TBC1D12: variants seen among roughly 807,000 people sequenced by gnomAD.
The protein encoded by TBC1D12 is TBC1 domain family member 12.
A neutral mutation model predicts 86.7 loss-of-function variants in TBC1D12; 56 were observed. That is an observed-to-expected ratio of 0.65 (90% CI 0.52 to 0.81). The LOEUF (loss-of-function observed/expected upper bound fraction) is 0.81. TBC1D12 is among the 30% of genes least tolerant of loss of function. The pLI, the probability that TBC1D12 is intolerant of heterozygous loss-of-function variation, is 0.00. For synonymous variants in TBC1D12, 421 were observed against 411.7 expected (o/e 1.02, Z -0.27); for missense variants, 1,023 against 1,038.8 (o/e 0.98, Z 0.21).
rs2056508706 is a variant in TBC1D12, at chr10:94,510,126, T to G, written c.1636T>G (p.Leu546Val). ...TGCTGATCGAGAGGCCAGTCTGGAA[T>G]TAATTAAGTTGGACATATCCCGTAC... The part of the protein sequence containing the change: ...SVADREASLE[L>V]IKLDISRTFP... Residue 546 changes from leucine (L) to valine (V), a missense_variant, in exon 8 of 13, where the codon TTA becomes GTA. Around this residue, in one of 2 missense-constraint regions of TBC1D12, gnomAD observed 395 missense variants for 507.7 expected, o/e 0.78. Transcript: ENST00000225235. The G allele has an allele frequency of 6.2e-6, 10 of 1,610,108 alleles. No homozygotes were observed. The highest frequency in any genetic ancestry group is 8.5e-6 in the Non-Finnish European group (10 of 1,179,106).
chr10:94,465,741 CATACATACATATGT>C (rs2055802314), intron 2 of TBC1D12, among the ~76,000 whole-genome samples: 1 of 144,444 alleles, frequency 6.9e-6, no homozygotes, highest in Non-Finnish European at 1.5e-5. Context: ...CATACGTATA[CATACATACATATGT>C]ATACATACAT....
chr10:94,452,752 G>A (rs768430926), intron 2 of TBC1D12, among the ~76,000 whole-genome samples: 6 of 152,064 alleles, frequency 3.9e-5, no homozygotes, highest in Non-Finnish European at 5.9e-5. Context: ...AGACTTCTGC[G>A]TGCAATTTTT....
intron 2 of TBC1D12, among the ~76,000 whole-genome samples, chr10:94,473,956 A>G (rs1272951640): frequency 6.6e-6 from 1 of 152,184 alleles, no homozygotes; most frequent in East Asian, 1.9e-4. Flanking sequence ...GTCTGTGGCT[A>G]TATTTTTGAA....
At chr10:94,500,018 C>T (rs1031440112) in intron 5 of TBC1D12, among the ~76,000 whole-genome samples, 1 of 152,134 alleles carries the variant, frequency 6.6e-6, no homozygotes, top group Non-Finnish European at 1.5e-5. Flanking sequence ...ATTACTGTTG[C>T]CCCTTTGGGA....
At chr10:94,450,582 A>G (rs1276220089) in intron 2 of TBC1D12, among the ~76,000 whole-genome samples, 1 of 152,146 alleles carries the variant, frequency 6.6e-6, no homozygotes, top group Non-Finnish European at 1.5e-5. Context: ...TATCAAATTT[A>G]TGTATTAGAA....
intron 6 of TBC1D12, among the ~76,000 whole-genome samples, chr10:94,504,033 T>A (rs997637569): frequency 6.6e-6 from 1 of 152,240 alleles, no homozygotes; most frequent in African/African-American, 2.4e-5. Flanking sequence ...TTAACTGTTC[T>A]CTCCAAATAT....
intron 2 of TBC1D12, among the ~76,000 whole-genome samples, chr10:94,461,871 C>G (rs578261486): frequency 6.6e-6 from 1 of 152,208 alleles, no homozygotes; most frequent in South Asian, 2.1e-4. Flanking sequence ...TTTCAGTTTG[C>G]TTAGGTTTTT....
At chr10:94,490,266 A>AAAAAAGAAAT (rs1399650250) in intron 3 of TBC1D12, among the ~76,000 whole-genome samples, 1 of 152,124 alleles carries the variant, frequency 6.6e-6, no homozygotes, top group Non-Finnish European at 1.5e-5. Context: ...AAAAGAAAAA[A>AAAAAAGAAAT]AAAAAGAAAT....
intron 2 of TBC1D12, among the ~76,000 whole-genome samples, chr10:94,457,120 G>C (rs964190571): frequency 6.6e-6 from 1 of 152,078 alleles, no homozygotes; most frequent in Non-Finnish European, 1.5e-5. Context: ...TAAGTTCCAG[G>C]ATACATGTGC....
intron 5 of TBC1D12, among the ~76,000 whole-genome samples, chr10:94,498,714 C>G (rs1413384823): frequency 6.6e-6 from 1 of 151,878 alleles, no homozygotes; most frequent in Admixed American, 6.6e-5. Flanking sequence ...CCTTGACTTC[C>G]CAAAGTGCTG....
At chr10:94,460,330 A>C (rs1382111358) in intron 2 of TBC1D12, among the ~76,000 whole-genome samples, 1 of 152,252 alleles carries the variant, frequency 6.6e-6, no homozygotes, top group African/African-American at 2.4e-5. Flanking sequence ...AAATGCCTTA[A>C]TAATTGTCCC....
chr10:94,484,744 C>T (rs1035117728), intron 3 of TBC1D12, among the ~76,000 whole-genome samples: 5 of 151,964 alleles, frequency 3.3e-5, no homozygotes, highest in African/African-American at 9.7e-5. Flanking sequence ...GAATATTTTT[C>T]CATTTTTTGG....
intron 2 of TBC1D12, 21 bp from the exon 3 acceptor site, chr10:94,474,647 G>T: frequency 6.3e-7 from 1 of 1,575,044 alleles, no homozygotes; most frequent in Non-Finnish European, 8.7e-7. Flanking sequence ...TCTGCATAAG[G>T]TATGTTTTAA....
chr10:94,411,978 C>T (rs1170407685), intron 1 of TBC1D12, among the ~76,000 whole-genome samples: 1 of 152,102 alleles, frequency 6.6e-6, no homozygotes, highest in Non-Finnish European at 1.5e-5. Context: ...GAAAATTGCT[C>T]ACAGTTGATT....
At chr10:94,489,251 C>G (rs915319839) in intron 3 of TBC1D12, among the ~76,000 whole-genome samples, 3 of 152,208 alleles carry the variant, frequency 2.0e-5, no homozygotes, top group African/African-American at 7.2e-5. Context: ...CAGGTGCTGG[C>G]TGAGTTCAGC....
chr10:94,434,191 G>GCTC (rs1200775922), intron 1 of TBC1D12, among the ~76,000 whole-genome samples: 1 of 152,108 alleles, frequency 6.6e-6, no homozygotes, highest in Non-Finnish European at 1.5e-5. Context: ...TAAATTGATA[G>GCTC]CTCCTCAGCT....
chr10:94,532,169 CG>C (rs912150479), intron 12 of TBC1D12, among the ~76,000 whole-genome samples: 111 of 146,280 alleles, frequency 7.6e-4, no homozygotes, highest in African/African-American at 2.6e-3. Context: ...CGTCAGTCAC[CG>C]CGCCTGGCCT....
intron 8 of TBC1D12, 124 bp from the exon 9 acceptor site, chr10:94,511,459 A>AT: frequency 1.4e-6 from 1 of 695,720 alleles, no homozygotes; most frequent in Middle Eastern, 3.9e-4. Flanking sequence ...CATTTATAAT[A>AT]TTTTTTATTA....
At chr10:94,494,318 A>G (rs931459969) in intron 4 of TBC1D12, among the ~76,000 whole-genome samples, 3 of 152,136 alleles carry the variant, frequency 2.0e-5, no homozygotes, top group African/African-American at 7.2e-5. Flanking sequence ...TTAACAACTG[A>G]TATTTTTTCC....
Sources: allele counts gnomAD v4.1 joint callset (sites outside exome capture counted in the v4.1 genomes callset), GRCh38; gene constraint gnomAD v4.1.1; regional missense constraint gnomAD v4.1.1; transcripts MANE v1.5; gene names NCBI Gene and HGNC (gene_info 2026-07-23, HGNC 2026-07-21).